The following NKAIN3 variants were observed in gnomAD, a reference collection of about 807,000 sequenced individuals.
The protein encoded by NKAIN3 is sodium/potassium transporting ATPase interacting 3.
Under a neutral mutation model 30.2 loss-of-function variants are expected in NKAIN3, and 25 were observed. The ratio of observed to expected loss-of-function variants is 0.83; its 90% confidence interval spans 0.60 to 1.16. NKAIN3 has a LOEUF of 1.16. Among genes scored for constraint, NKAIN3 ranks in the 50% most tolerant of loss-of-function variants. The pLI is 0.00. For missense variants in NKAIN3, 225 were observed against 254.1 expected (o/e 0.89, Z 0.78); for synonymous variants, 91 against 89.6 (o/e 1.02, Z -0.09).
intron 1 of NKAIN3, among the ~76,000 whole-genome samples, chr8:62,409,401 C>T (rs1340787402): frequency 1.3e-5 from 2 of 152,132 alleles, no homozygotes; most frequent in African/African-American, 4.8e-5. Flanking sequence ...TCAGGCTGGT[C>T]TCAAACTTCT....
chr8:62,526,266 A>G (rs1808302560), intron 1 of NKAIN3, among the ~76,000 whole-genome samples: 1 of 152,166 alleles, frequency 6.6e-6, no homozygotes, highest in Non-Finnish European at 1.5e-5. Context: ...AACAACAACA[A>G]CAACTAAAAA....
chr8:62,589,707 T>C lies in NKAIN3; in HGVS notation c.193-7T>C, dbSNP rs762238314. The C allele has an allele frequency of 1.4e-6, 2 of 1,452,586 alleles. No individual in the cohort carries two copies. Among genetic ancestry groups the C allele is most frequent in the Non-Finnish European group, 1.9e-6 (2 of 1,049,602 alleles). The allele number at this position is 1,452,586 out of a possible 1,614,324, so 90.0% of individuals were successfully genotyped here. On this transcript the variant is annotated splice_region_variant and splice_polypyrimidine_tract_variant and intron_variant, in intron 2 of 6. Transcript: ENST00000623646. ...CTTCTCTTTCTCCCTCCCCCATTTC[T>C]ATCTAGTATACAGTGTGGACTGCCC...
intron 4 of NKAIN3, among the ~76,000 whole-genome samples, chr8:62,848,954 A>G (rs149383331): frequency 1.4e-3 from 211 of 152,154 alleles, no homozygotes; most frequent in African/African-American, 4.8e-3. Context: ...TGTTTATGTG[A>G]TGAATTACAT....
chr8:62,565,076 A>G (rs1809708731), intron 1 of NKAIN3, among the ~76,000 whole-genome samples: 1 of 152,196 alleles, frequency 6.6e-6, no homozygotes, highest in Non-Finnish European at 1.5e-5. Flanking sequence ...CATGTTATTA[A>G]CTAAAATCCC....
intron 4 of NKAIN3, among the ~76,000 whole-genome samples, chr8:62,797,964 T>G (rs1817918918): frequency 6.6e-6 from 1 of 152,188 alleles, no homozygotes. Flanking sequence ...ATGGAACAGA[T>G]TCTTCCCAAA....
intron 1 of NKAIN3, among the ~76,000 whole-genome samples, chr8:62,515,846 G>A (rs1807968848): frequency 6.6e-6 from 1 of 151,952 alleles, no homozygotes; most frequent in African/African-American, 2.4e-5. Context: ...TCATATACTT[G>A]TTAATCATTT....
In NKAIN3 at chr8:62,691,770, G is replaced by A. The variant is rs1296099625; in HGVS notation, c.274-55162G>A. Among the ~76,000 whole-genome samples the A allele has an allele frequency of 2.0e-5, 3 of 152,292 alleles. No individual in the cohort carries two copies. The East Asian group carries it at 5.8e-4, about 29-fold the overall frequency. On this transcript the variant is annotated intron_variant, in intron 3 of 6. Transcript: ENST00000623646. The stretch of plus-strand genomic sequence containing the variant: ...TCAAGGCAGGTTTCATGGAAGTGAG[G>A]AGGTATGAGCTGGCACATTGTGTCA...
At chr8:62,856,584 G>C in intron 4 of NKAIN3, 2 of 783,828 alleles carry the variant, frequency 2.6e-6, no homozygotes, top group South Asian at 1.3e-5. Flanking sequence ...GTCTTCATTG[G>C]TGAACAGCAT....
At chr8:62,358,383 C>T (rs1816428089) in intron 1 of NKAIN3, among the ~76,000 whole-genome samples, 1 of 151,864 alleles carries the variant, frequency 6.6e-6, no homozygotes, top group African/African-American at 2.4e-5. Flanking sequence ...TTATTAAAGC[C>T]ATTTAATGCA....
At chr8:62,663,578 C>T (rs1813008294) in intron 3 of NKAIN3, among the ~76,000 whole-genome samples, 1 of 152,182 alleles carries the variant, frequency 6.6e-6, no homozygotes, top group Non-Finnish European at 1.5e-5. Flanking sequence ...TGAATACCCA[C>T]TTTGTGTAAT....
intron 4 of NKAIN3, among the ~76,000 whole-genome samples, chr8:62,751,884 C>T (rs868039168): frequency 6.7e-6 from 1 of 148,616 alleles, no homozygotes; most frequent in Middle Eastern, 3.5e-3. Flanking sequence ...CCACTCACTC[C>T]CTCAGGCTGT....
At chr8:62,607,758 T>C (rs1253581924) in intron 3 of NKAIN3, among the ~76,000 whole-genome samples, 1 of 152,130 alleles carries the variant, frequency 6.6e-6, no homozygotes, top group African/African-American at 2.4e-5. Context: ...GAAACCAATA[T>C]AGTATCCTGA....
At chr8:62,299,680 C>G (rs1563924643) in intron 1 of NKAIN3, among the ~76,000 whole-genome samples, 1 of 152,034 alleles carries the variant, frequency 6.6e-6, no homozygotes, top group African/African-American at 2.4e-5. Context: ...GAACACCTCT[C>G]TGTGTATTAC....
intron 3 of NKAIN3, among the ~76,000 whole-genome samples, chr8:62,701,040 T>C (rs1046800536): frequency 6.6e-6 from 1 of 152,238 alleles, no homozygotes; most frequent in Non-Finnish European, 1.5e-5. Context: ...CTGTGGTTGC[T>C]GAAAAGTAAA....
intron 3 of NKAIN3, among the ~76,000 whole-genome samples, chr8:62,600,073 G>A (rs1356979485): frequency 6.6e-6 from 1 of 151,836 alleles, no homozygotes; most frequent in East Asian, 1.9e-4. Flanking sequence ...TGTCTTAATG[G>A]CATCTTTTAA....
intron 3 of NKAIN3, among the ~76,000 whole-genome samples, chr8:62,694,801 A>G (rs546944392): frequency 6.6e-6 from 1 of 152,310 alleles, no homozygotes; most frequent in Admixed American, 6.5e-5. Flanking sequence ...TATCTGTGAA[A>G]TATGGAGTAA....
chr8:62,815,732 A>G (rs1419449665), intron 4 of NKAIN3, among the ~76,000 whole-genome samples: 2 of 152,144 alleles, frequency 1.3e-5, no homozygotes, highest in Non-Finnish European at 2.9e-5. Flanking sequence ...AAATAATAAG[A>G]GCTATCTATG....
chr8:62,332,032 T>G (rs548610410), intron 1 of NKAIN3, among the ~76,000 whole-genome samples: 26 of 152,256 alleles, frequency 1.7e-4, no homozygotes, highest in African/African-American at 6.0e-4. Context: ...CCATTTTGAT[T>G]CTAATAGCAA....
intron 1 of NKAIN3, among the ~76,000 whole-genome samples, chr8:62,334,598 G>A (rs144648127): frequency 6.6e-6 from 1 of 152,186 alleles, no homozygotes; most frequent in Non-Finnish European, 1.5e-5. Flanking sequence ...ATATAAATGT[G>A]TATTTTTAGA....
Sources: allele counts gnomAD v4.1 joint callset (sites outside exome capture counted in the v4.1 genomes callset), GRCh38; gene constraint gnomAD v4.1.1; transcripts MANE v1.5; gene names NCBI Gene and HGNC (gene_info 2026-07-23, HGNC 2026-07-21).